PRR36: variants seen among roughly 807,000 people sequenced by gnomAD.
The protein encoded by PRR36 is proline-rich protein 36.
A neutral mutation model predicts 58.6 loss-of-function variants in PRR36; 30 were observed. The ratio of observed to expected loss-of-function variants is 0.51; its 90% CI spans 0.38 to 0.69. The LOEUF is 0.69. Ranked by LOEUF, PRR36 falls within the 30% of genes least tolerant of loss-of-function variation. The pLI is 0.00. For synonymous variants in PRR36, 771 were observed against 829.3 expected (o/e 0.93, Z 1.21); for missense variants, 1,692 against 1,805.6 (o/e 0.94, Z 1.14).
Position 7,868,747 on chromosome 19 carries a change from C to A in PRR36, c.*286G>T, listed in dbSNP as rs1449982884. ...AAGTCCCAGTGTCCCAGTTTTATTGCAAACTCAGGCTGTGCGGGGTGGGCA... is the reference window on the plus strand; with the variant it reads ...AAGTCCCAGTGTCCCAGTTTTATTGAAAACTCAGGCTGTGCGGGGTGGGCA... On this transcript the variant is annotated 3_prime_UTR_variant, in exon 6 of 6. Transcript: ENST00000618550. 1.1e-5 allele frequency: 4 copies of A among 356,130 alleles called. No homozygotes were observed. The highest frequency in any genetic ancestry group is 2.0e-5 in the Non-Finnish European group (4 of 196,888). The allele number at this position is 356,130 out of a possible 1,614,324, so 22.1% of individuals were successfully genotyped here.
At position 7,873,710 on chromosome 19, in the gene PRR36, C is replaced by T. The variant is rs1409299556; in HGVS notation, c.-7-14G>A. On this transcript the variant is annotated splice_polypyrimidine_tract_variant and intron_variant, in intron 1 of 5. Transcript: ENST00000618550. The surrounding 1 kb of genome is among the most constrained non-coding windows in gnomAD (Gnocchi z 5.0). ...TCCATCTTGCACCTGAAGAGACAAACCGGTCCGCATCCCAGGTTCTGGACA... is the reference window on the plus strand; with the variant it reads ...TCCATCTTGCACCTGAAGAGACAAATCGGTCCGCATCCCAGGTTCTGGACA... 1 of 1,531,740 alleles carries T rather than the reference C, an allele frequency of 6.5e-7. No individual in the cohort carries two copies. The highest frequency in any genetic ancestry group is 1.2e-5 in the South Asian group (1 of 83,784). The allele number at this position is 1,531,740 out of a possible 1,614,324, so 94.9% of individuals were successfully genotyped here. A position where few individuals can be genotyped will look rare whatever the true frequency, so the allele number is the denominator to read the frequency against.
In PRR36 at chr19:7,869,902, C is replaced by A; in HGVS notation, c.3342G>T (p.Leu1114=). ...TGTGGCCGGCCAGGTCTGGGCCGCTCAGCGTGCTGGACGGGCTGCGCGAGG... is the reference window on the plus strand; with the variant it reads ...TGTGGCCGGCCAGGTCTGGGCCGCTAAGCGTGCTGGACGGGCTGCGCGAGG... ...PPPSRSPSST[L]SGPDLAGHSS... Residue 1114 remains leucine (L), a synonymous_variant, in exon 5 of 6, where the codon CTG becomes CTT. Coordinates refer to ENST00000618550, the MANE Select transcript of PRR36 (RefSeq NM_001190467.2). 1 of 1,361,216 alleles carries A rather than the reference C, an allele frequency of 7.3e-7. No individual in the cohort carries two copies. Among genetic ancestry groups the A allele is most frequent in the Non-Finnish European group, 9.4e-7 (1 of 1,064,310 alleles). The allele number at this position is 1,361,216 out of a possible 1,614,324, so 84.3% of individuals were successfully genotyped here.
In PRR36 at chr19:7,869,274, A is replaced by G; in HGVS notation, c.3800T>C (p.Leu1267Pro). The change falls in exon 6 of 6, where the codon CTG (leucine) becomes CCG (proline). Residue 1267 changes from leucine to proline, a missense_variant. This residue lies in a region of PRR36 where 485 missense variants were observed against 549.2 expected (regional missense o/e 0.88). Transcript: ENST00000618550. ...VQHLLSRTLL[L>P]AAAEGAAGGS... ...GCCCGCGGCACCCTCGGCAGCCGCC[A>G]GCAGCAGCGTCCGGCTCAGCAGGTG... 1.4e-6 allele frequency: 2 copies of G among 1,460,646 alleles called. No individual in the cohort carries two copies. Among genetic ancestry groups the G allele is most frequent in the Non-Finnish European group, 1.8e-6 (2 of 1,117,624 alleles). 90.5% of individuals were successfully genotyped at this position (1,460,646 alleles called of 1,614,324 possible). A position where few individuals can be genotyped will look rare whatever the true frequency, so the allele number is the denominator to read the frequency against.
rs1030525194 is a variant in PRR36 at position 7,870,029 on chromosome 19, G to C, written c.3215C>G (p.Pro1072Arg). The C allele has an allele frequency of 2.1e-6, 3 of 1,446,060 alleles. No individual in the cohort carries two copies. The highest frequency in any genetic ancestry group is 1.8e-6 in the Non-Finnish European group (2 of 1,105,700). 89.6% of individuals were successfully genotyped at this position (1,446,060 alleles called of 1,614,324 possible). ...GGGGCGGCGTGGGGCCTGCAGGGTG[G>C]GTGAGGCAGGGGGAGAGGGAGGGAC... ...LQVPPSPPAS[P>R]TLQAPRRPPT... is the part of the protein sequence containing the mutation. The change falls in exon 5 of 6, where the codon CCC becomes CGC. Residue 1072 changes from proline to arginine, a missense_variant. By Grantham distance (103) the Pro-to-Arg change is moderately radical. This residue lies in a region of PRR36 where 485 missense variants were observed against 549.2 expected (regional missense o/e 0.88). Coordinates refer to ENST00000618550, the MANE Select transcript of PRR36 (RefSeq NM_001190467.2).
Position 7,869,910 on chromosome 19 carries a change from T to C in PRR36, c.3334A>G (p.Ser1112Gly). Reference sequence around the variant, plus strand: ...GCCAGGTCTGGGCCGCTCAGCGTGCTGGACGGGCTGCGCGAGGGCGGCGGC... The same window carrying C: ...GCCAGGTCTGGGCCGCTCAGCGTGCCGGACGGGCTGCGCGAGGGCGGCGGC... ...PPPPPSRSPSSTLSGPDLAGH... is the reference protein window; with the variant it reads ...PPPPPSRSPSGTLSGPDLAGH... Residue 1112 changes from serine to glycine, a missense_variant, in exon 5 of 6, where the codon AGC becomes GGC. Physicochemically the swap from Ser to Gly is moderately conservative, Grantham distance 56. Around this residue, in one of 5 missense-constraint regions of PRR36, gnomAD observed 485 missense variants for 549.2 expected, o/e 0.88. Coordinates refer to ENST00000618550, the MANE Select transcript of PRR36 (RefSeq NM_001190467.2). 1.5e-6 allele frequency: 2 copies of C among 1,363,716 alleles called. No individual in the cohort carries two copies. The highest frequency in any genetic ancestry group is 1.9e-6 in the Non-Finnish European group (2 of 1,065,596). 84.5% of individuals were successfully genotyped at this position (1,363,716 alleles called of 1,614,324 possible).
Position 7,869,746 on chromosome 19 carries a change from G to C in PRR36, c.3498C>G (p.Pro1166=), listed in dbSNP as rs1980287731. Residue 1166 remains proline (P), a synonymous_variant, in exon 5 of 6, where the codon CCC becomes CCG. Transcript: ENST00000618550. ...CTCCGCGGAAAGCCAGCGGCGGAGC[G>C]GGGCCTCGACTCCAGGCAGCCGGGT... ...ACHPAAWSRG[P]APPLAFRGAP... is the part of the protein sequence containing the mutation. 2 of 1,348,414 alleles carry C rather than the reference G, an allele frequency of 1.5e-6. No individual in the cohort carries two copies. The highest frequency in any genetic ancestry group is 3.9e-5 in the Admixed American group (1 of 25,346). The allele number at this position is 1,348,414 out of a possible 1,614,324, so 83.5% of individuals were successfully genotyped here.
In PRR36 at chr19:7,872,946, GCCA is replaced by G; in HGVS notation, c.387_389del (p.Gly130del). 6.5e-7 allele frequency: 1 copy of G among 1,536,000 alleles called. No individual in the cohort carries two copies. Among genetic ancestry groups the G allele is most frequent in the Non-Finnish European group, 8.7e-7 (1 of 1,146,838 alleles). ...CCGCTGAGATCCGGAGTCCCTTCTG[GCCA>G]AGAGGGCCTGGCCTGGAGACAGAAG... is the stretch of plus-strand genomic sequence containing the variant. On this transcript the variant is annotated inframe_deletion, in exon 4 of 6. Coordinates refer to ENST00000618550, the MANE Select transcript of PRR36 (RefSeq NM_001190467.2). This position sits in a 1 kb window ranked among gnomAD's most constrained non-coding sequence, Gnocchi z 6.1.
chr19:7,870,209 G>A lies in PRR36; in HGVS notation c.3035C>T (p.Pro1012Leu), dbSNP rs1428328541. The A allele has an allele frequency of 1.4e-6, 2 of 1,433,062 alleles. No homozygotes were observed. The highest frequency in any genetic ancestry group is 5.5e-5 in the Admixed American group (2 of 36,302). The allele number at this position is 1,433,062 out of a possible 1,614,324, so 88.8% of individuals were successfully genotyped here. Residue 1012 changes from proline (P) to leucine (L), a missense_variant, in exon 5 of 6, where the codon CCT becomes CTT. By Grantham distance (98) the Pro-to-Leu change is moderately conservative. This residue lies in a region of PRR36 where 485 missense variants were observed against 549.2 expected (regional missense o/e 0.88). Coordinates refer to ENST00000618550, the MANE Select transcript of PRR36 (RefSeq NM_001190467.2). ...CTGCAGAGGAGGTGTGGCCAGAGCA[G>A]GTGGGGCCTGTGGAGGGGGCTTAGC... ...PLAKPPPQAPPALATPPLQAL... is the reference protein window; with the variant it reads ...PLAKPPPQAPLALATPPLQAL...
Position 7,870,609 on chromosome 19 carries a change from C to A in PRR36, c.2635G>T (p.Ala879Ser). The A allele has an allele frequency of 1.5e-6, 2 of 1,308,046 alleles. No individual in the cohort carries two copies. The highest frequency in any genetic ancestry group is 1.9e-6 in the Non-Finnish European group (2 of 1,038,426). The allele number at this position is 1,308,046 out of a possible 1,614,324, so 81.0% of individuals were successfully genotyped here. A position where few individuals can be genotyped will look rare whatever the true frequency, so the allele number is the denominator to read the frequency against. ...TPSPQAPNAL[A>S]VHLLQAPFSP... is the part of the protein sequence containing the mutation. ...AAAGGGGCCTGCAGAAGGTGCACTG[C>A]CAGAGCATTTGGGGCCTGTGGAGAG... The change falls in exon 5 of 6, where the codon GCA becomes TCA. Residue 879 changes from alanine to serine, a missense_variant. Transcript: ENST00000618550.
At position 7,870,744 on chromosome 19, in the gene PRR36, A is replaced by C; in HGVS notation, c.2500T>G (p.Ser834Ala). Reference protein sequence around the residue: ...PLQGLPSPPLSPLATPPPQAP... With the variant: ...PLQGLPSPPLAPLATPPPQAP... ...TGTGGAGGGGGCGTGGCCAAAGGAG[A>C]CAGAGGGGGAGAGGGCAGGCCCTGC... Residue 834 changes from serine to alanine, a missense_variant, in exon 5 of 6, where the codon TCT becomes GCT. Around this residue, in one of 5 missense-constraint regions of PRR36, gnomAD observed 171 missense variants for 146.2 expected, o/e 1.17. Coordinates refer to ENST00000618550, the MANE Select transcript of PRR36 (RefSeq NM_001190467.2). 8.9e-7 allele frequency: 1 copy of C among 1,118,996 alleles called. No individual in the cohort carries two copies. Among genetic ancestry groups the C allele is most frequent in the Non-Finnish European group, 1.1e-6 (1 of 913,508 alleles). 69.3% of individuals were successfully genotyped at this position (1,118,996 alleles called of 1,614,324 possible).
At position 7,872,246 on chromosome 19, in the gene PRR36, G is replaced by T. The variant is rs1262902422; in HGVS notation, c.998C>A (p.Pro333His). Residue 333 changes from proline to histidine, a missense_variant, in exon 5 of 6, where the codon CCC becomes CAC. Physicochemically the swap from Pro to His is moderately conservative, Grantham distance 77. This residue lies in a region of PRR36 where 975 missense variants were observed against 955.2 expected (regional missense o/e 1.02). Transcript: ENST00000618550. This position sits in a 1 kb window ranked among gnomAD's most constrained non-coding sequence, Gnocchi z 6.1. ...AATPLPATLPPSPPVTPPPPA... is the reference protein window; with the variant it reads ...AATPLPATLPHSPPVTPPPPA... ...CGGAGGGGGCGTTACCGGTGGAGAG[G>T]GAGGGAGCGTGGCTGGCAGGGGAGT... The T allele has an allele frequency of 2.1e-5, 31 of 1,457,856 alleles. No homozygotes were observed. The highest frequency in any genetic ancestry group is 2.8e-5 in the Non-Finnish European group (31 of 1,111,074). 90.3% of individuals were successfully genotyped at this position (1,457,856 alleles called of 1,614,324 possible). A position where few individuals can be genotyped will look rare whatever the true frequency, so the allele number is the denominator to read the frequency against.
chr19:7,873,797 C>A lies in PRR36; in HGVS notation c.-7-101G>T. 1 of 1,198,964 alleles carries A rather than the reference C, an allele frequency of 8.3e-7. No homozygotes were observed. Among genetic ancestry groups the A allele is most frequent in the Non-Finnish European group, 1.1e-6 (1 of 876,908 alleles). 74.3% of individuals were successfully genotyped at this position (1,198,964 alleles called of 1,614,324 possible). A position where few individuals can be genotyped will look rare whatever the true frequency, so the allele number is the denominator to read the frequency against. On this transcript the variant is annotated intron_variant, in intron 1 of 5. Transcript: ENST00000618550. The surrounding 1 kb of genome is among the most constrained non-coding windows in gnomAD (Gnocchi z 5.0). ...CACTGCCCTTTCGCAGCATCGCCAC[C>A]CATGGACACTCAAACCTCGGCCTCG...
chr19:7,868,737 A>G lies in PRR36; in HGVS notation c.*296T>C, dbSNP rs1980215977. 3.0e-6 allele frequency: 1 copy of G among 336,418 alleles called. No individual in the cohort carries two copies. The allele number at this position is 336,418 out of a possible 1,614,324, so 20.8% of individuals were successfully genotyped here. The stretch of plus-strand genomic sequence containing the variant: ...GAAGGTGTGCAAGTCCCAGTGTCCC[A>G]GTTTTATTGCAAACTCAGGCTGTGC... On this transcript the variant is annotated 3_prime_UTR_variant, in exon 6 of 6. Transcript: ENST00000618550.
At position 7,872,366 on chromosome 19, in the gene PRR36, G is replaced by T. The variant is rs1599590565; in HGVS notation, c.878C>A (p.Ala293Asp). Residue 293 changes from alanine to aspartate, a missense_variant, in exon 5 of 6, where the codon GCC (alanine) becomes GAC (aspartate). Ala to Asp is a moderately radical substitution (Grantham distance 126, BLOSUM62 -2). This residue lies in a region of PRR36 where 975 missense variants were observed against 955.2 expected (regional missense o/e 1.02). Coordinates refer to ENST00000618550, the MANE Select transcript of PRR36 (RefSeq NM_001190467.2). The surrounding 1 kb of genome is among the most constrained non-coding windows in gnomAD (Gnocchi z 6.1). ...PQVTPPRKDA[A>D]PALGPLSSSP... ...GGAAGAAAGCGGTCCTAGTGCTGGG[G>T]CTGCGTCCTTCCTTGGGGGTGTGAC... 6.9e-7 allele frequency: 1 copy of T among 1,450,276 alleles called. No homozygotes were observed. Among genetic ancestry groups the T allele is most frequent in the Non-Finnish European group, 9.0e-7 (1 of 1,107,564 alleles). 89.8% of individuals were successfully genotyped at this position (1,450,276 alleles called of 1,614,324 possible).
At position 7,872,367 on chromosome 19, in the gene PRR36, C is replaced by G. The variant is rs2145071208; in HGVS notation, c.877G>C (p.Ala293Pro). The change falls in exon 5 of 6, where the codon GCC becomes CCC. Residue 293 changes from alanine (A) to proline (P), a missense_variant. Around this residue, in one of 5 missense-constraint regions of PRR36, gnomAD observed 975 missense variants for 955.2 expected, o/e 1.02. Coordinates refer to ENST00000618550, the MANE Select transcript of PRR36 (RefSeq NM_001190467.2). The surrounding 1 kb of genome is among the most constrained non-coding windows in gnomAD (Gnocchi z 6.1). ...GAAGAAAGCGGTCCTAGTGCTGGGG[C>G]TGCGTCCTTCCTTGGGGGTGTGACC... ...PQVTPPRKDA[A>P]PALGPLSSSP... 8 of 1,449,980 alleles carry G rather than the reference C, an allele frequency of 5.5e-6. No individual in the cohort carries two copies. Among genetic ancestry groups the G allele is most frequent in the Non-Finnish European group, 7.2e-6 (8 of 1,107,334 alleles). 89.8% of individuals were successfully genotyped at this position (1,449,980 alleles called of 1,614,324 possible). A position where few individuals can be genotyped will look rare whatever the true frequency, so the allele number is the denominator to read the frequency against.
chr19:7,872,295 C>G lies in PRR36; in HGVS notation c.949G>C (p.Val317Leu). The G allele has an allele frequency of 6.9e-7, 1 of 1,455,072 alleles. No homozygotes were observed. Among genetic ancestry groups the G allele is most frequent in the Non-Finnish European group, 9.0e-7 (1 of 1,109,938 alleles). The allele number at this position is 1,455,072 out of a possible 1,614,324, so 90.1% of individuals were successfully genotyped here. A position where few individuals can be genotyped will look rare whatever the true frequency, so the allele number is the denominator to read the frequency against. The change falls in exon 5 of 6, where the codon GTA (valine) becomes CTA (leucine). Residue 317 changes from valine to leucine, a missense_variant. Transcript: ENST00000618550. The surrounding 1 kb of genome is among the most constrained non-coding windows in gnomAD (Gnocchi z 6.1). ...GTGGCTGCATTGTCGGGAGGCGGTACGGGTCTTGCCTTGGTACCCGATGGA... is the reference window on the plus strand; with the variant it reads ...GTGGCTGCATTGTCGGGAGGCGGTAGGGGTCTTGCCTTGGTACCCGATGGA... ...PSPSGTKARP[V>L]PPPDNAATPL...
Position 7,871,534 on chromosome 19 carries a change from A to T in PRR36, c.1710T>A (p.Ser570=). Residue 570 remains serine (S), a synonymous_variant, in exon 5 of 6, where the codon TCT becomes TCA. Transcript: ENST00000618550. ...QAPPHPQAPP[S]MTTPPMQAPP... is the part of the protein sequence containing the mutation. ...GGGCCTGCATAGGGGGCGTAGTCAT[A>T]GAAGGTGGGGCCTGTGGGTGGGGCG... 1 of 1,535,182 alleles carries T rather than the reference A, an allele frequency of 6.5e-7. No homozygotes were observed. The highest frequency in any genetic ancestry group is 8.7e-7 in the Non-Finnish European group (1 of 1,146,652).
In PRR36 at chr19:7,868,913, A is replaced by C. The variant is rs1402839279; in HGVS notation, c.*120T>G. On this transcript the variant is annotated 3_prime_UTR_variant, in exon 6 of 6. Coordinates refer to ENST00000618550, the MANE Select transcript of PRR36 (RefSeq NM_001190467.2). ...CAAAGGCTCAGGCTCTAGGGAGCTA[A>C]GACTAATCCACCCAGCGGGGCTCCA... 1.7e-6 allele frequency: 2 copies of C among 1,207,704 alleles called. No individual in the cohort carries two copies. Among genetic ancestry groups the C allele is most frequent in the Non-Finnish European group, 2.2e-6 (2 of 899,832 alleles). The allele number at this position is 1,207,704 out of a possible 1,614,324, so 74.8% of individuals were successfully genotyped here.
In PRR36 at chr19:7,872,507, G is replaced by A; in HGVS notation, c.737C>T (p.Ala246Val). ...RPASRSLSSSATPLSSPARSG... is the reference protein window; with the variant it reads ...RPASRSLSSSVTPLSSPARSG... ...ACGGGCTGGGGAGGAGAGAGGGGTG[G>A]CGCTGGAGCTCAGGGAGCGCGAGGC... Residue 246 changes from alanine to valine, a missense_variant, in exon 5 of 6, where the codon GCC (alanine) becomes GTC (valine). Coordinates refer to ENST00000618550, the MANE Select transcript of PRR36 (RefSeq NM_001190467.2). This position sits in a 1 kb window ranked among gnomAD's most constrained non-coding sequence, Gnocchi z 6.1. 1 of 1,497,984 alleles carries A rather than the reference G, an allele frequency of 6.7e-7. No homozygotes were observed. 92.8% of individuals were successfully genotyped at this position (1,497,984 alleles called of 1,614,324 possible).
Sources: allele counts gnomAD v4.1 joint callset, GRCh38; gene constraint gnomAD v4.1.1; regional missense constraint gnomAD v4.1.1; non-coding constraint Gnocchi (gnomAD v3.1); transcripts MANE v1.5; gene names NCBI Gene and HGNC (gene_info 2026-07-23, HGNC 2026-07-21).